CCDC149: variants seen among roughly 807,000 people sequenced by gnomAD.
The protein encoded by CCDC149 is coiled-coil domain containing 149.
CCDC149 carries 45 observed loss-of-function variants against 59.9 expected under a neutral mutation model. The ratio of observed to expected loss-of-function variants is 0.75; its 90% CI spans 0.59 to 0.96. The LOEUF (loss-of-function observed/expected upper bound fraction) is 0.96. CCDC149 is among the 40% of genes least tolerant of loss of function. The pLI, the probability that CCDC149 is intolerant of heterozygous loss-of-function variation, is 0.00. For synonymous variants in CCDC149, 245 were observed against 260.6 expected (o/e 0.94, Z 0.58); for missense variants, 584 against 664.7 (o/e 0.88, Z 1.33).
intron 1 of CCDC149, among the ~76,000 whole-genome samples, chr4:24,891,826 CCTT>C (rs978365682): frequency 4.5e-4 from 69 of 152,058 alleles, no homozygotes; most frequent in African/African-American, 1.6e-3. Context: ...TAGTGAAACT[CCTT>C]CTCTACAATT....
intron 4 of CCDC149, among the ~76,000 whole-genome samples, chr4:24,844,316 C>A (rs1032117241): frequency 3.9e-5 from 6 of 152,144 alleles, no homozygotes; most frequent in African/African-American, 1.2e-4. Flanking sequence ...AAATAGGAAG[C>A]CTTCATTCTG....
intron 1 of CCDC149, among the ~76,000 whole-genome samples, chr4:24,881,835 G>A (rs2109261676): frequency 6.6e-6 from 1 of 152,284 alleles, no homozygotes; most frequent in Admixed American, 6.5e-5. Context: ...AAGTTACTGT[G>A]CTATCATCTG....
At chr4:24,909,459 C>A (rs941521681) in intron 1 of CCDC149, among the ~76,000 whole-genome samples, 6 of 152,180 alleles carry the variant, frequency 3.9e-5, no homozygotes, top group Non-Finnish European at 7.3e-5. Flanking sequence ...CCCCTGCCAG[C>A]CAAACTTGAC....
chr4:24,823,986 C>T (rs1715568805), intron 9 of CCDC149, among the ~76,000 whole-genome samples: 1 of 152,210 alleles, frequency 6.6e-6, no homozygotes, highest in African/African-American at 2.4e-5. Context: ...TCCAAGCTCC[C>T]TTTTCACCAG....
chr4:24,950,823 G>C (rs943373000), intron 1 of CCDC149, among the ~76,000 whole-genome samples: 30 of 152,124 alleles, frequency 2.0e-4, no homozygotes, highest in Admixed American at 5.9e-4. Context: ...AGGGGTCTGG[G>C]GCCTGTGTAG....
At position 24,822,572 on chromosome 4, in the gene CCDC149, T is replaced by A. The variant is rs1357959076; in HGVS notation, c.967A>T (p.Ile323Phe). 1 of 1,532,158 alleles carries A rather than the reference T, an allele frequency of 6.5e-7. No homozygotes were observed. Among genetic ancestry groups the A allele is most frequent in the East Asian group, 2.5e-5 (1 of 39,702 alleles). 94.9% of individuals were successfully genotyped at this position (1,532,158 alleles called of 1,614,324 possible). A position where few individuals can be genotyped will look rare whatever the true frequency, so the allele number is the denominator to read the frequency against. The change falls in exon 10 of 13, where the codon ATC (isoleucine) becomes TTC (phenylalanine). Residue 323 changes from isoleucine (I) to phenylalanine (F), a missense_variant and splice_region_variant. Transcript: ENST00000635206. ...AGCTCAGCCACCCGATTCCCTAGGA[T>A]TCTGAAAAAAGGGGAGAAAATGACA... is the stretch of plus-strand genomic sequence containing the variant.
At chr4:24,899,528 G>T (rs1721038446) in intron 1 of CCDC149, among the ~76,000 whole-genome samples, 1 of 152,198 alleles carries the variant, frequency 6.6e-6, no homozygotes, top group African/African-American at 2.4e-5. Flanking sequence ...GTGGCAGTTA[G>T]GAGGCTGGTC....
intron 1 of CCDC149, among the ~76,000 whole-genome samples, chr4:24,899,113 T>C (rs980113799): frequency 1.5e-4 from 23 of 152,174 alleles, no homozygotes; most frequent in African/African-American, 5.5e-4. Flanking sequence ...AGGAAAGATC[T>C]TCCTAGAAGA....
chr4:24,941,968 C>G (rs1247458528), intron 1 of CCDC149, among the ~76,000 whole-genome samples: 1 of 152,132 alleles, frequency 6.6e-6, no homozygotes, highest in Non-Finnish European at 1.5e-5. Flanking sequence ...ACCAGAGGTA[C>G]AAGTAGGAGC....
intron 1 of CCDC149, among the ~76,000 whole-genome samples, chr4:24,933,717 T>A (rs899738645): frequency 6.6e-6 from 1 of 152,190 alleles, no homozygotes; most frequent in Non-Finnish European, 1.5e-5. Flanking sequence ...CTTATTGAGA[T>A]AATTGCTATG....
chr4:24,887,948 C>A (rs1251885516), intron 1 of CCDC149, among the ~76,000 whole-genome samples: 6 of 152,164 alleles, frequency 3.9e-5, no homozygotes, highest in African/African-American at 1.2e-4. Flanking sequence ...CTACTGCTGC[C>A]CCCACACTCA....
rs1482953621 is a variant in CCDC149, at chr4:24,934,119, A to T, written c.-64-39001T>A. ...GAATGTGCCAAGCCTCTTAAAGGCT[A>T]ATCCTAGGACTGTGATATCATTTGG... On this transcript the variant is annotated intron_variant, in intron 1 of 12. Coordinates refer to the CCDC149 transcript ENST00000389609. Among the ~76,000 whole-genome samples the T allele has an allele frequency of 1.3e-5, 2 of 152,174 alleles. 1 individual carries two copies. The highest frequency in any genetic ancestry group is 4.8e-5 in the African/African-American group (2 of 41,440).
chr4:24,873,235 T>C (rs1394870629), intron 3 of CCDC149, among the ~76,000 whole-genome samples: 2 of 150,772 alleles, frequency 1.3e-5, no homozygotes, highest in Admixed American at 1.3e-4. Context: ...CATAGGAGAG[T>C]ATACAGCCAC....
At chr4:24,919,934 CCCCTTG>C (rs1722236849) in intron 1 of CCDC149, among the ~76,000 whole-genome samples, 1 of 152,170 alleles carries the variant, frequency 6.6e-6, no homozygotes, top group Admixed American at 6.5e-5. Context: ...GAGATCTGGA[CCCCTTG>C]CTATACAAGA....
chr4:24,973,331 T>C (rs964964976), intron 1 of CCDC149, among the ~76,000 whole-genome samples: 2 of 152,224 alleles, frequency 1.3e-5, no homozygotes, highest in African/African-American at 4.8e-5. Flanking sequence ...TAAACCTGTT[T>C]AAAAATTTTA....
chr4:24,848,430 G>A (rs867519605), intron 4 of CCDC149, among the ~76,000 whole-genome samples: 33 of 152,178 alleles, frequency 2.2e-4, no homozygotes, highest in African/African-American at 4.6e-4. Flanking sequence ...TTAGCTGGGC[G>A]TGGTGGCGCG....
intron 4 of CCDC149, among the ~76,000 whole-genome samples, chr4:24,842,599 A>G (rs1250579405): frequency 2.0e-5 from 3 of 152,188 alleles, no homozygotes; most frequent in African/African-American, 4.8e-5. Context: ...ATGTTTATGA[A>G]TGAATTATGG....
intron 1 of CCDC149, among the ~76,000 whole-genome samples, chr4:24,936,398 C>A (rs1383313821): frequency 1.3e-5 from 2 of 151,700 alleles, no homozygotes; most frequent in South Asian, 4.2e-4. Flanking sequence ...GATTTATTTT[C>A]TTTAAATATT....
chr4:24,884,874 A>T (rs1025706012), intron 1 of CCDC149, among the ~76,000 whole-genome samples: 3 of 152,246 alleles, frequency 2.0e-5, no homozygotes, highest in Admixed American at 2.0e-4. Flanking sequence ...TTAGCAAAGA[A>T]GGTGCTCAAG....
Sources: allele counts gnomAD v4.1 joint callset (sites outside exome capture counted in the v4.1 genomes callset), GRCh38; gene constraint gnomAD v4.1.1; transcripts MANE v1.5; gene names NCBI Gene and HGNC (gene_info 2026-07-23, HGNC 2026-07-21).